Variants in FIG4 observed in about 807,000 individuals in gnomAD.
The protein encoded by FIG4 is FIG4 phosphoinositide 5-phosphatase, also known as polyphosphoinositide phosphatase.
FIG4 carries 112 observed loss-of-function variants against 118.6 expected under a neutral mutation model. The ratio of observed to expected loss-of-function variants is 0.94; its 90% CI spans 0.81 to 1.11. The LOEUF is 1.11. Among genes scored for constraint, FIG4 ranks in the 50% least tolerant of loss-of-function variants. The pLI, the probability that FIG4 is intolerant of heterozygous loss-of-function variation, is 0.00. For missense variants in FIG4, 969 were observed against 1,111.7 expected (o/e 0.87, Z 1.83); for synonymous variants, 369 against 381.2 (o/e 0.97, Z 0.37).
At chr6:109,816,780 A>G (rs543463098) in intron 22 of FIG4, among the ~76,000 whole-genome samples, 1 of 152,258 alleles carries the variant, frequency 6.6e-6, no homozygotes, top group South Asian at 2.1e-4. Context: ...CAAGAAGTGT[A>G]ATGATGTGAC....
In FIG4 at chr6:109,815,311, C is replaced by T. The variant is rs185770122; in HGVS notation, c.2547-9777C>T. On this transcript the variant is annotated intron_variant, in intron 22 of 22. Coordinates refer to ENST00000230124, the MANE Select transcript of FIG4 (RefSeq NM_014845.6). Reference sequence around the variant, plus strand: ...ATGCCCTCTTCCTCTCCTTGGGCTCCAGGCCACCCTTCCATATGGACTCCC... The same window carrying T: ...ATGCCCTCTTCCTCTCCTTGGGCTCTAGGCCACCCTTCCATATGGACTCCC... Among the ~76,000 whole-genome samples the T allele has an allele frequency of 2.0e-5, 3 of 152,120 alleles. No homozygotes were observed. The East Asian group carries it at 5.8e-4, about 30-fold the overall frequency.
chr6:109,713,094 G>T (rs1775317949), intron 1 of FIG4, among the ~76,000 whole-genome samples: 1 of 152,176 alleles, frequency 6.6e-6, no homozygotes, highest in Non-Finnish European at 1.5e-5. Context: ...TCGAGGTTAG[G>T]TATCCGATGC....
intron 10 of FIG4, among the ~76,000 whole-genome samples, chr6:109,749,681 A>T (rs1276966432): frequency 2.0e-5 from 3 of 152,104 alleles, no homozygotes; most frequent in Non-Finnish European, 4.4e-5. Context: ...TTAAATGGAG[A>T]TTCATGTCTA....
intron 22 of FIG4, among the ~76,000 whole-genome samples, chr6:109,813,172 T>C (rs374640532): frequency 2.2e-4 from 33 of 152,302 alleles, no homozygotes; most frequent in African/African-American, 7.7e-4. Context: ...CTCAAGCTTA[T>C]CTAAAAGTTA....
intron 4 of FIG4, among the ~76,000 whole-genome samples, chr6:109,730,023 A>G (rs1390935681): frequency 2.0e-5 from 3 of 151,848 alleles, no homozygotes; most frequent in African/African-American, 7.3e-5. Flanking sequence ...TATCTTGAAG[A>G]TGTTAGTTTT....
chr6:109,782,609 T>C (rs1227312385), intron 16 of FIG4, among the ~76,000 whole-genome samples: 1 of 152,220 alleles, frequency 6.6e-6, no homozygotes. Flanking sequence ...CTTTAGGGAA[T>C]TTCTCATATA....
chr6:109,809,971 A>G (rs1266732828), intron 22 of FIG4, among the ~76,000 whole-genome samples: 1 of 152,092 alleles, frequency 6.6e-6, no homozygotes, highest in Non-Finnish European at 1.5e-5. Flanking sequence ...TCTTCAGACC[A>G]GTAGGAAGAT....
chr6:109,766,110 C>G (rs190275163), intron 14 of FIG4, among the ~76,000 whole-genome samples: 3 of 152,120 alleles, frequency 2.0e-5, no homozygotes, highest in African/African-American at 7.2e-5. Flanking sequence ...TGAGAGGAAC[C>G]GTCATGACTG....
Position 109,762,199 on chromosome 6 carries a change from A to G in FIG4, c.1380A>G (p.Pro460=). Residue 460 remains proline, a synonymous_variant, in exon 12 of 23, where the codon CCA becomes CCG. Transcript: ENST00000230124. ...RPDSYCSILR[P]DEKWNELGGC... ...ATTCTTACTGTAGCATTTTGCGGCC[A>G]GATGAAAAGTATGTATGGTATTTTA... 6.3e-7 allele frequency: 1 copy of G among 1,590,990 alleles called. No homozygotes were observed. Among genetic ancestry groups the G allele is most frequent in the Admixed American group, 1.7e-5 (1 of 59,986 alleles).
chr6:109,804,327 G>A (rs1778507752), intron 22 of FIG4, among the ~76,000 whole-genome samples: 1 of 152,126 alleles, frequency 6.6e-6, no homozygotes, highest in Non-Finnish European at 1.5e-5. Flanking sequence ...CAGATGGAGT[G>A]ATTATTGAGC....
chr6:109,722,508 T>C (rs1775641510), intron 3 of FIG4, among the ~76,000 whole-genome samples: 1 of 152,036 alleles, frequency 6.6e-6, no homozygotes, highest in South Asian at 2.1e-4. Flanking sequence ...TTATAGACTA[T>C]AACACTCTGA....
Position 109,766,758 on chromosome 6 carries a change from G to A in FIG4, c.1613G>A (p.Gly538Asp). ...RLFEELYEDH[G>D]DTLSLQYGGS... Reference sequence around the variant, plus strand: ...TTTGAGGAACTCTATGAAGATCATGGTGATACCCTATCCCTTCAGTATGGT... The same window carrying A: ...TTTGAGGAACTCTATGAAGATCATGATGATACCCTATCCCTTCAGTATGGT... The change falls in exon 15 of 23, where the codon GGT (glycine) becomes GAT (aspartate). Residue 538 changes from glycine (G) to aspartate (D), a missense_variant. Around this residue, in one of 3 missense-constraint regions of FIG4, gnomAD observed 246 missense variants for 354.3 expected, o/e 0.69. Coordinates refer to ENST00000230124, the MANE Select transcript of FIG4 (RefSeq NM_014845.6). The A allele has an allele frequency of 6.2e-7, 1 of 1,613,920 alleles. No homozygotes were observed. The highest frequency in any genetic ancestry group is 8.5e-7 in the Non-Finnish European group (1 of 1,179,900).
At chr6:109,774,627 A>G (rs1023754489) in intron 15 of FIG4, among the ~76,000 whole-genome samples, 6 of 152,152 alleles carry the variant, frequency 3.9e-5, no homozygotes, top group African/African-American at 9.7e-5. Context: ...TTTGAAATGT[A>G]TTTGCCAACT....
At chr6:109,693,862 T>C (rs1178033414) in intron 1 of FIG4, among the ~76,000 whole-genome samples, 1 of 151,166 alleles carries the variant, frequency 6.6e-6, no homozygotes, top group African/African-American at 2.5e-5. Context: ...TTTTGTTAAA[T>C]AATTTTTTTT....
intron 15 of FIG4, among the ~76,000 whole-genome samples, chr6:109,772,886 A>G (rs1777509497): frequency 6.6e-6 from 1 of 152,250 alleles, no homozygotes; most frequent in Non-Finnish European, 1.5e-5. Context: ...TTCTCTGCTT[A>G]GGTTCTCACA....
chr6:109,797,766 C>T (rs563763943), intron 22 of FIG4, among the ~76,000 whole-genome samples: 37 of 151,946 alleles, frequency 2.4e-4, no homozygotes, highest in African/African-American at 6.8e-4. Context: ...CATGGTGGTG[C>T]GTGCCTGTAA....
intron 22 of FIG4, among the ~76,000 whole-genome samples, chr6:109,801,287 C>T (rs1288903036): frequency 6.6e-6 from 1 of 152,144 alleles, no homozygotes; most frequent in Non-Finnish European, 1.5e-5. Context: ...GTGGCTCACA[C>T]CTGTAATCCC....
chr6:109,807,886 T>G (rs953903364), intron 22 of FIG4, among the ~76,000 whole-genome samples: 3 of 152,232 alleles, frequency 2.0e-5, no homozygotes, highest in Non-Finnish European at 2.9e-5. Flanking sequence ...ATTGCTTGTT[T>G]TGTCAGATTT....
rs9320315 is a variant in FIG4, at chr6:109,785,074, C to A, written c.1948+46C>A. On this transcript the variant is annotated intron_variant, in intron 17 of 22. Transcript: ENST00000230124. ...TAGTTTTTACACTAACATATTTTGG[C>A]ATTATACCTTAATGAACTTGAAGCA... is the stretch of plus-strand genomic sequence containing the variant. The A allele has an allele frequency of 0.19, 207,753 of 1,083,924 alleles. 26,209 individuals are homozygous for A. Among genetic ancestry groups the A allele is most frequent in the African/African-American group, 0.41 (27,020 of 66,230 alleles). The allele number at this position is 1,083,924 out of a possible 1,614,324, so 67.1% of individuals were successfully genotyped here. A position where few individuals can be genotyped will look rare whatever the true frequency, so the allele number is the denominator to read the frequency against.
Sources: gnomAD v4.1 joint callset for allele counts (sites outside exome capture counted in the v4.1 genomes callset) on GRCh38, gnomAD v4.1.1 for gene constraint, gnomAD v4.1.1 regional missense constraint, MANE v1.5 for transcripts, NCBI Gene and HGNC (gene_info 2026-07-23, HGNC 2026-07-21) for gene names.